FAM149B1: variants seen among roughly 807,000 people sequenced by gnomAD.
The protein encoded by FAM149B1 is primary cilium assembly protein FAM149B1.
FAM149B1 carries 56 observed loss-of-function variants against 75.3 expected under a neutral mutation model. That is an observed-to-expected ratio of 0.74 (90% CI 0.60 to 0.93). FAM149B1 has a LOEUF of 0.93. FAM149B1 is among the 40% of genes least tolerant of loss of function. The probability of loss-of-function intolerance (pLI) is 0.00; values close to 1 mark genes in which losing one functional copy is unlikely to be tolerated. For synonymous variants in FAM149B1, 259 were observed against 256.1 expected, an observed-to-expected ratio of 1.01 and a Z score of -0.11; for missense variants, 639 against 708.4, an observed-to-expected ratio of 0.90 and a Z score of 1.11.
intron 8 of FAM149B1, among the ~76,000 whole-genome samples, chr10:73,229,439 G>T (rs568324707): frequency 6.6e-6 from 1 of 152,304 alleles, no homozygotes; most frequent in African/African-American, 2.4e-5. Context: ...GCTGGGCATG[G>T]TGGCAGGCAC....
At chr10:73,182,283 C>G (rs1355408864) in intron 3 of FAM149B1, among the ~76,000 whole-genome samples, 1 of 149,740 alleles carries the variant, frequency 6.7e-6, no homozygotes, top group African/African-American at 2.5e-5. Context: ...GGCACAATCT[C>G]GGCTCACTGC....
chr10:73,239,496 T>C, intron 13 of FAM149B1, 112 bp downstream of exon 13: 1 of 773,268 alleles, frequency 1.3e-6, no homozygotes, highest in Non-Finnish European at 2.1e-6. Flanking sequence ...TTGGATTTAA[T>C]GTTTTCCCAC....
At chr10:73,198,696 T>C (rs1295103349) in intron 5 of FAM149B1, among the ~76,000 whole-genome samples, 1 of 152,052 alleles carries the variant, frequency 6.6e-6, no homozygotes, top group Non-Finnish European at 1.5e-5. Context: ...TTCCAGCTAC[T>C]CAGGAGGCTG....
chr10:73,171,885 C>G (rs1287702133), intron 1 of FAM149B1, among the ~76,000 whole-genome samples: 1 of 152,174 alleles, frequency 6.6e-6, no homozygotes, highest in Non-Finnish European at 1.5e-5. Context: ...GCCTCAGCCT[C>G]CCAAAGTGCT....
chr10:73,187,350 C>T (rs1324948158), intron 3 of FAM149B1, among the ~76,000 whole-genome samples: 1 of 138,918 alleles, frequency 7.2e-6, no homozygotes, highest in Non-Finnish European at 1.5e-5. Context: ...TTGATAAGCT[C>T]ATCCTAAAAT....
Position 73,243,997 on chromosome 10 carries a change from A to G in FAM149B1, c.*2978A>G. 1 of 1,265,952 alleles carries G rather than the reference A, an allele frequency of 7.9e-7. No homozygotes were observed. The highest frequency in any genetic ancestry group is 1.1e-6 in the Non-Finnish European group (1 of 882,106). The allele number at this position is 1,265,952 out of a possible 1,614,324, so 78.4% of individuals were successfully genotyped here. The stretch of plus-strand genomic sequence containing the variant: ...GCTTAAAATACATACTCTTTCCCAA[A>G]AGCAAATCTATAATTCTGTTTCAAT... On this transcript the variant is annotated 3_prime_UTR_variant, in exon 14 of 14. Coordinates refer to ENST00000242505, the MANE Select transcript of FAM149B1 (RefSeq NM_173348.2).
intron 12 of FAM149B1, 170 bp from the exon 13 acceptor site, chr10:73,239,142 G>T: frequency 1.8e-6 from 1 of 549,718 alleles, no homozygotes. Context: ...CATCTGGCTT[G>T]GGATTTTCTA....
Position 73,235,760 on chromosome 10 carries a change from T to TC in FAM149B1, c.1602+444dup, listed in dbSNP as rs556933958. ...ATGTTGCCCAGACTAGACCTGGAAC[T>TC]CCTGGGCTCAAGCAATCCTGCCTTA... On this transcript the variant is annotated intron_variant, in intron 12 of 13. Coordinates refer to ENST00000242505, the MANE Select transcript of FAM149B1 (RefSeq NM_173348.2). 3.0e-3 allele frequency among the ~76,000 whole-genome samples: 458 copies of TC among 152,312 alleles called. 2 individuals are homozygous for TC. The highest frequency in any genetic ancestry group is 5.5e-3 in the Non-Finnish European group (371 of 68,022).
chr10:73,173,517 C>A (rs560160545), intron 1 of FAM149B1, among the ~76,000 whole-genome samples: 3 of 152,320 alleles, frequency 2.0e-5, no homozygotes, highest in African/African-American at 7.2e-5. Flanking sequence ...CCCTGGCAAC[C>A]ATTAATCTGT....
At chr10:73,172,144 A>G (rs957983738) in intron 1 of FAM149B1, among the ~76,000 whole-genome samples, 1 of 152,240 alleles carries the variant, frequency 6.6e-6, no homozygotes, top group African/African-American at 2.4e-5. Flanking sequence ...AAATGTCTTA[A>G]GTCTCTATTT....
chr10:73,183,525 A>G (rs1420994260), intron 3 of FAM149B1: 1 of 152,200 alleles, frequency 6.6e-6, no homozygotes. Flanking sequence ...AGTATAAGGA[A>G]TACTTCTCAA....
intron 3 of FAM149B1, among the ~76,000 whole-genome samples, chr10:73,191,681 G>A (rs1025860403): frequency 6.6e-6 from 1 of 152,024 alleles, no homozygotes; most frequent in African/African-American, 2.4e-5. Context: ...AAGGACATAA[G>A]TTGTCAATTG....
chr10:73,234,864 G>A lies in FAM149B1; in HGVS notation c.1400G>A (p.Ser467Asn), dbSNP rs1473038533. The stretch of plus-strand genomic sequence containing the variant: ...TCCTCTCCCTCACCGACGCCCCTGA[G>A]TCGAAATAATCTGCTACCACCTATT... Reference protein sequence around the residue: ...SLSSPSPTPLSRNNLLPPIGT... With the variant: ...SLSSPSPTPLNRNNLLPPIGT... The change falls in exon 11 of 14, where the codon AGT becomes AAT. Residue 467 changes from serine to asparagine, a missense_variant. By Grantham distance (46) the Ser-to-Asn change is conservative. Coordinates refer to ENST00000242505, the MANE Select transcript of FAM149B1 (RefSeq NM_173348.2). 9 of 1,551,766 alleles carry A rather than the reference G, an allele frequency of 5.8e-6. No individual in the cohort carries two copies. The highest frequency in any genetic ancestry group is 1.4e-5 in the African/African-American group (1 of 73,154).
intron 12 of FAM149B1, among the ~76,000 whole-genome samples, chr10:73,237,759 T>C (rs1408979204): frequency 2.0e-5 from 3 of 152,000 alleles, no homozygotes; most frequent in Non-Finnish European, 4.4e-5. Context: ...AGTATCTCGC[T>C]ACATCACCCA....
At chr10:73,234,717 T>C (rs971688342) in intron 10 of FAM149B1, 100 bp from the exon 11 acceptor site, 5 of 1,322,528 alleles carry the variant, frequency 3.8e-6, no homozygotes, top group Non-Finnish European at 5.2e-6. Flanking sequence ...TCTGTGCACA[T>C]TAAACTCATC....
chr10:73,182,783 C>T (rs2042429014), intron 3 of FAM149B1, among the ~76,000 whole-genome samples: 1 of 152,220 alleles, frequency 6.6e-6, no homozygotes, highest in Non-Finnish European at 1.5e-5. Context: ...CAGAGATAAG[C>T]CATTCCTGCT....
intron 7 of FAM149B1, among the ~76,000 whole-genome samples, chr10:73,214,810 T>C (rs2043260314): frequency 6.6e-6 from 1 of 152,202 alleles, no homozygotes; most frequent in African/African-American, 2.4e-5. Flanking sequence ...ACTGGCCTCA[T>C]AGAATAAGTT....
At chr10:73,192,365 A>G (rs547715650) in intron 3 of FAM149B1, 191 bp from the exon 4 acceptor site, 1 of 581,312 alleles carries the variant, frequency 1.7e-6, no homozygotes, top group South Asian at 2.2e-5. Context: ...TTAAATATGA[A>G]TGGAGAAGAT....
intron 5 of FAM149B1, among the ~76,000 whole-genome samples, chr10:73,207,275 G>C (rs1025174179): frequency 1.3e-5 from 2 of 152,098 alleles, no homozygotes; most frequent in African/African-American, 4.8e-5. Flanking sequence ...AAAGCTGCAG[G>C]CATTCAGGCC....
Sources: gnomAD v4.1 joint callset for allele counts (sites outside exome capture counted in the v4.1 genomes callset) on GRCh38, gnomAD v4.1.1 for gene constraint, MANE v1.5 for transcripts, NCBI Gene and HGNC (gene_info 2026-07-23, HGNC 2026-07-21) for gene names.